EXOC4: variants seen among roughly 807,000 people sequenced by gnomAD.
EXOC4 encodes the protein exocyst complex component 4, also known as SEC8-like 1.
Under a neutral mutation model 107.2 loss-of-function variants are expected in EXOC4, and 71 were observed. The observed-to-expected ratio is 0.66, with a 90% confidence interval of 0.55 to 0.81. EXOC4 has a LOEUF of 0.81. EXOC4 is among the 30% of genes least tolerant of loss of function. The probability of loss-of-function intolerance (pLI) is 0.00; values close to 1 mark genes in which losing one functional copy is unlikely to be tolerated. For missense variants in EXOC4, 1,108 were observed against 1,189.6 expected (o/e 0.93, Z 1.01); for synonymous variants, 456 against 441.2 (o/e 1.03, Z -0.42).
chr7:133,762,986 G>A (rs960877088), intron 10 of EXOC4, among the ~76,000 whole-genome samples: 45 of 151,950 alleles, frequency 3.0e-4, no homozygotes, highest in Non-Finnish European at 7.4e-5. Flanking sequence ...GTTGTATACC[G>A]ATTTATAAAG....
chr7:133,737,909 C>CTTTTTTTTTTTTTTTTT lies in EXOC4; in HGVS notation c.1515-79412_1515-79396dup, dbSNP rs10673346. Among the ~76,000 whole-genome samples the CTTTTTTTTTTTTTTTTT allele has an allele frequency of 2.4e-4, 21 of 89,326 alleles. 3 individuals carry two copies. The highest frequency in any genetic ancestry group is 2.6e-4 in the African/African-American group (6 of 23,240). The allele number at this position is 89,326 out of a possible 152,430, so 58.6% of individuals were successfully genotyped here. A position where few individuals can be genotyped will look rare whatever the true frequency, so the allele number is the denominator to read the frequency against. On this transcript the variant is annotated intron_variant, in intron 10 of 17. Coordinates refer to ENST00000253861, the MANE Select transcript of EXOC4 (RefSeq NM_021807.4). Reference sequence around the variant, plus strand: ...TTTTTGTGCCTCTTGATTTTTCTTTCTTTTTTTTTTTTTTTTTTTTGAGAC... The same window carrying CTTTTTTTTTTTTTTTTT: ...TTTTTGTGCCTCTTGATTTTTCTTTCTTTTTTTTTTTTTTTTTTTTTTTTTTTTTTTTTTTTTGAGAC...
chr7:133,988,239 A>G (rs565654785), intron 14 of EXOC4, among the ~76,000 whole-genome samples: 1 of 152,308 alleles, frequency 6.6e-6, no homozygotes, highest in South Asian at 2.1e-4. Context: ...GCTTTAAACT[A>G]TATTTCTGTT....
chr7:133,688,166 C>T (rs1044444859), intron 10 of EXOC4, among the ~76,000 whole-genome samples: 5 of 152,100 alleles, frequency 3.3e-5, no homozygotes, highest in Admixed American at 6.5e-5. Context: ...TAGGGGTCTT[C>T]ACCAAAGCAA....
chr7:134,070,205 A>T (rs1193566567), downstream of EXOC4, among the ~76,000 whole-genome samples: 4 of 152,238 alleles, frequency 2.6e-5, no homozygotes, highest in African/African-American at 9.6e-5. Context: ...GCAAGGTGTC[A>T]ACCCTGTCCT....
At chr7:133,290,677 G>A (rs949649475) in intron 3 of EXOC4, among the ~76,000 whole-genome samples, 1 of 152,102 alleles carries the variant, frequency 6.6e-6, no homozygotes, top group Non-Finnish European at 1.5e-5. Context: ...TACGGTCTTT[G>A]TTCTTAAGGG....
Position 133,671,958 on chromosome 7 carries a change from A to G in EXOC4, c.1514+41817A>G, listed in dbSNP as rs1443012260. Among the ~76,000 whole-genome samples the G allele has an allele frequency of 2.6e-5, 4 of 152,212 alleles. No homozygotes were observed. The East Asian group carries it at 7.7e-4, about 29-fold the overall frequency. ...GTGTATGTGTTGAGCAGCTAGTTGA[A>G]GTACATGACACTAAAATTCGTAAAT... On this transcript the variant is annotated intron_variant, in intron 10 of 17. Coordinates refer to ENST00000253861, the MANE Select transcript of EXOC4 (RefSeq NM_021807.4).
intron 17 of EXOC4, among the ~76,000 whole-genome samples, chr7:134,009,305 G>T (rs112491920): frequency 0.013 from 2,024 of 152,212 alleles, 30 homozygotes; most frequent in African/African-American, 0.039. Context: ...TTATGGAGAT[G>T]ATGAAATATT....
chr7:134,024,933 T>C (rs1216620550), intron 17 of EXOC4, among the ~76,000 whole-genome samples: 5 of 152,186 alleles, frequency 3.3e-5, no homozygotes, highest in African/African-American at 1.2e-4. Context: ...GTGTTCTGTG[T>C]TTAGCAGCAG....
chr7:134,033,440 A>G (rs970581618), intron 17 of EXOC4, among the ~76,000 whole-genome samples: 8 of 152,102 alleles, frequency 5.3e-5, no homozygotes, highest in African/African-American at 1.9e-4. Flanking sequence ...TTGGCATCCC[A>G]CCTGCTCATC....
intron 9 of EXOC4, among the ~76,000 whole-genome samples, chr7:133,503,957 G>A (rs1333845051): frequency 6.6e-6 from 1 of 151,896 alleles, no homozygotes; most frequent in South Asian, 2.1e-4. Context: ...TTACATGTGT[G>A]TGTGTATACA....
chr7:133,639,649 A>T (rs540676898), intron 10 of EXOC4, among the ~76,000 whole-genome samples: 1 of 152,078 alleles, frequency 6.6e-6, no homozygotes, highest in Non-Finnish European at 1.5e-5. Flanking sequence ...GTTTTTAATT[A>T]CCTTAATTTC....
At chr7:133,253,288 T>C in intron 1 of EXOC4, 101 bp downstream of exon 1, 23 of 1,303,988 alleles carry the variant, frequency 1.8e-5, no homozygotes, top group Non-Finnish European at 2.1e-5. Flanking sequence ...GCTCTCCCCT[T>C]TCCTCCTTGC....
chr7:134,090,128 T>A, the EXOC4 span, among the ~76,000 whole-genome samples: 2 of 152,334 alleles, frequency 1.3e-5, no homozygotes, highest in East Asian at 3.9e-4. Context: ...CACTTATTTT[T>A]AAGCCAATTA....
chr7:133,388,929 G>A (rs1206557455), intron 7 of EXOC4, among the ~76,000 whole-genome samples: 1 of 152,106 alleles, frequency 6.6e-6, no homozygotes, highest in South Asian at 2.1e-4. Flanking sequence ...GGCTGGCTTT[G>A]GCTGATTGCT....
intron 11 of EXOC4, among the ~76,000 whole-genome samples, chr7:133,843,066 T>C (rs1798054228): frequency 6.6e-6 from 1 of 152,238 alleles, no homozygotes; most frequent in African/African-American, 2.4e-5. Context: ...TTGGTTACCA[T>C]AGTCTTGTAG....
At chr7:133,993,695 A>T (rs567616005) in intron 14 of EXOC4, among the ~76,000 whole-genome samples, 1 of 152,316 alleles carries the variant, frequency 6.6e-6, no homozygotes, top group South Asian at 2.1e-4. Flanking sequence ...GTCCAACAAT[A>T]CTTAGTCCAG....
In EXOC4 at chr7:133,432,868, A is replaced by G. The variant is rs77693047; in HGVS notation, c.1183-42460A>G. Among the ~76,000 whole-genome samples the G allele has an allele frequency of 8.9e-3, 1,351 of 152,302 alleles. 20 individuals are homozygous for G. Among genetic ancestry groups the G allele is most frequent in the African/African-American group, 0.031 (1,300 of 41,548 alleles). On this transcript the variant is annotated intron_variant, in intron 7 of 17. Coordinates refer to ENST00000253861, the MANE Select transcript of EXOC4 (RefSeq NM_021807.4). ...ACTGCATAAAATATTGTCAATGCCA[A>G]TGTAAGGTAGACAGCTTAGCAAGTA...
At chr7:133,756,154 A>G (rs941892958) in intron 10 of EXOC4, among the ~76,000 whole-genome samples, 1 of 152,078 alleles carries the variant, frequency 6.6e-6, no homozygotes, top group African/African-American at 2.4e-5. Context: ...TTTCCATATA[A>G]TTTTCATAAT....
intron 9 of EXOC4, among the ~76,000 whole-genome samples, chr7:133,580,360 A>G (rs553685702): frequency 2.7e-4 from 41 of 152,296 alleles, no homozygotes; most frequent in Non-Finnish European, 5.0e-4. Context: ...ATATCTACTC[A>G]GAAGTGGAAT....
Sources: allele counts gnomAD v4.1 joint callset (sites outside exome capture counted in the v4.1 genomes callset), GRCh38; gene constraint gnomAD v4.1.1; transcripts MANE v1.5; gene names NCBI Gene and HGNC (gene_info 2026-07-23, HGNC 2026-07-21).